Variants in ERC1 observed in about 807,000 individuals in gnomAD.
ERC1 encodes RAB6 interacting protein 2.
Under a neutral mutation model 132.0 loss-of-function variants are expected in ERC1, and 56 were observed. That is an observed-to-expected ratio of 0.42 (90% CI 0.34 to 0.53). The LOEUF (loss-of-function observed/expected upper bound fraction) is 0.53, where lower values mean the gene tolerates loss of function less well. ERC1 is among the 20% of genes least tolerant of loss of function. The pLI, the probability that ERC1 is intolerant of heterozygous loss-of-function variation, is 0.03. For synonymous variants in ERC1, 478 were observed against 476.1 expected (o/e 1.00, Z -0.05); for missense variants, 1,202 against 1,349.9 (o/e 0.89, Z 1.72).
chr12:1,473,622 T>C (rs1316863695), intron 18 of ERC1, among the ~76,000 whole-genome samples: 1 of 101,546 alleles, frequency 9.8e-6, no homozygotes, highest in Non-Finnish European at 1.9e-5. Context: ...AGAGTGAGAC[T>C]CTATCTCAAA....
intron 18 of ERC1, among the ~76,000 whole-genome samples, chr12:1,450,938 G>T (rs11830468): frequency 0.012 from 1,765 of 152,182 alleles, 23 homozygotes; most frequent in African/African-American, 0.039. Context: ...GTGCTTATTG[G>T]CCATTTCTGT....
In ERC1 at chr12:1,075,204, A is replaced by G. The variant is rs533438296; in HGVS notation, c.670-7960A>G. On this transcript the variant is annotated intron_variant, in intron 2 of 18. Coordinates refer to ENST00000360905, the MANE Select transcript of ERC1 (RefSeq NM_178040.4). ...TTTAAAATTATGGAAATTAGAATTC[A>G]GTTGACGTTTGTACAAAGTGGGGTT... Among the ~76,000 whole-genome samples the G allele has an allele frequency of 5.3e-5, 8 of 152,208 alleles. No homozygotes were observed. The South Asian group carries it at 1.7e-3, about 32-fold the overall frequency.
chr12:1,361,946 A>G (rs1034934710), intron 15 of ERC1, among the ~76,000 whole-genome samples: 9 of 152,146 alleles, frequency 5.9e-5, no homozygotes, highest in African/African-American at 9.7e-5. Context: ...CTGGATTCCA[A>G]TGCTTCTTAA....
intron 15 of ERC1, among the ~76,000 whole-genome samples, chr12:1,326,128 A>G (rs140751127): frequency 2.5e-3 from 387 of 152,308 alleles, no homozygotes; most frequent in African/African-American, 8.7e-3. Flanking sequence ...AACTTTCACC[A>G]GTTTATCTTT....
intron 14 of ERC1, among the ~76,000 whole-genome samples, chr12:1,275,444 C>T (rs180705305): frequency 1.3e-5 from 2 of 152,170 alleles, no homozygotes; most frequent in East Asian, 3.9e-4. Flanking sequence ...GTCCAGATTG[C>T]GCCATCTCAA....
At chr12:1,383,624 ACT>A (rs1173128885) in intron 16 of ERC1, among the ~76,000 whole-genome samples, 2 of 151,906 alleles carry the variant, frequency 1.3e-5, no homozygotes, top group African/African-American at 2.4e-5. Context: ...ACAAAACAAG[ACT>A]CTGTCACACA....
chr12:1,442,969 G>A (rs1366246192), intron 17 of ERC1, among the ~76,000 whole-genome samples: 3 of 152,056 alleles, frequency 2.0e-5, no homozygotes, highest in Non-Finnish European at 4.4e-5. Flanking sequence ...GTGCAGTGGT[G>A]TGATCTCGGC....
chr12:1,413,100 A>G (rs74706726), intron 17 of ERC1, among the ~76,000 whole-genome samples: 4,350 of 152,282 alleles, frequency 0.029, 233 homozygotes, highest in African/African-American at 0.099. Context: ...TTCATCTCCT[A>G]TATGTTGAGG....
chr12:1,151,741 CA>C (rs892531178), intron 8 of ERC1: 1 of 97,910 alleles, frequency 1.0e-5, no homozygotes, highest in Non-Finnish European at 1.8e-5. Context: ...TCATTTCACA[CA>C]ACTGCCCAAC....
intron 15 of ERC1, among the ~76,000 whole-genome samples, chr12:1,340,231 G>A (rs2083701406): frequency 6.6e-6 from 1 of 152,122 alleles, no homozygotes; most frequent in Non-Finnish European, 1.5e-5. Context: ...ACCAAGAGGT[G>A]CTCAGGTTGG....
chr12:1,046,869 A>G (rs1971155265), intron 2 of ERC1, among the ~76,000 whole-genome samples: 1 of 152,190 alleles, frequency 6.6e-6, no homozygotes, highest in Admixed American at 6.5e-5. Context: ...TCATCACTGC[A>G]CTTGGCTAGC....
chr12:1,432,529 C>T (rs759583108), intron 17 of ERC1, among the ~76,000 whole-genome samples: 19 of 152,154 alleles, frequency 1.2e-4, no homozygotes, highest in Non-Finnish European at 2.2e-4. Flanking sequence ...TTACATGTAC[C>T]GTGATCTTCA....
intron 1 of ERC1, among the ~76,000 whole-genome samples, chr12:1,026,292 C>T (rs559282712): frequency 2.0e-5 from 3 of 152,132 alleles, no homozygotes; most frequent in African/African-American, 4.8e-5. Flanking sequence ...GGGGAAACTG[C>T]GCCCATGATT....
At chr12:1,466,032 C>A (rs748558521) in intron 18 of ERC1, among the ~76,000 whole-genome samples, 3 of 152,184 alleles carry the variant, frequency 2.0e-5, no homozygotes, top group Admixed American at 6.5e-5. Context: ...AGTGTATAAA[C>A]TGATATGAAA....
intron 2 of ERC1, among the ~76,000 whole-genome samples, chr12:1,061,986 C>CTTTT (rs1565887288): frequency 7.5e-6 from 1 of 133,018 alleles, no homozygotes; most frequent in Non-Finnish European, 1.6e-5. Flanking sequence ...TTCTTCTTTT[C>CTTTT]TTCTTTTTTT....
intron 13 of ERC1, among the ~76,000 whole-genome samples, chr12:1,255,327 G>A (rs1023240754): frequency 2.0e-5 from 3 of 152,096 alleles, no homozygotes; most frequent in African/African-American, 7.2e-5. Context: ...TGCCACATTT[G>A]CTTAATCCAG....
chr12:1,339,829 T>C lies in ERC1; in HGVS notation c.2781-32004T>C, dbSNP rs1053363390. Among the ~76,000 whole-genome samples the C allele has an allele frequency of 2.6e-5, 4 of 152,148 alleles. No individual in the cohort carries two copies. The South Asian group carries it at 8.3e-4, about 31-fold the overall frequency. ...TGTCCTCTGTGCCTGGTTTCACTCC[T>C]GTGGCAGTGTTGGCACAAGGGCAGG... On this transcript the variant is annotated intron_variant, in intron 15 of 18. Transcript: ENST00000360905.
intron 17 of ERC1, among the ~76,000 whole-genome samples, chr12:1,440,603 TGTGTGTGTGTGTG>T (rs2093116163): frequency 5.3e-4 from 8 of 15,086 alleles, no homozygotes; most frequent in African/African-American, 7.6e-4. Flanking sequence ...CAGCCTTTTG[TGTGTGTGTGTGTG>T]TGTGTGTGTG....
At chr12:1,321,325 C>CGTGT (rs144780111) in intron 15 of ERC1, among the ~76,000 whole-genome samples, 116 of 148,780 alleles carry the variant, frequency 7.8e-4, no homozygotes, top group Middle Eastern at 3.6e-3. Context: ...GCATATGATA[C>CGTGT]GTGTGTGTGT....
Sources: gnomAD v4.1 joint callset for allele counts (sites outside exome capture counted in the v4.1 genomes callset) on GRCh38, gnomAD v4.1.1 for gene constraint, MANE v1.5 for transcripts, NCBI Gene and HGNC (gene_info 2026-07-23, HGNC 2026-07-21) for gene names.